ZNF654: variants seen among roughly 807,000 people sequenced by gnomAD.
ZNF654 encodes the protein melanoma-associated antigen.
ZNF654 carries 19 observed loss-of-function variants against 95.3 expected under a neutral mutation model. That is an observed-to-expected ratio of 0.20 (90% CI 0.14 to 0.29). ZNF654 has a LOEUF of 0.29. ZNF654 is among the 10% of genes least tolerant of loss of function. The probability of loss-of-function intolerance (pLI) is 1.00; values close to 1 mark genes in which losing one functional copy is unlikely to be tolerated. For synonymous variants in ZNF654, 413 were observed against 457.9 expected (o/e 0.90, Z 1.25); for missense variants, 1,046 against 1,341.0 (o/e 0.78, Z 3.44).
At chr3:88,081,492 T>C (rs1708074493) in intron 1 of ZNF654, among the ~76,000 whole-genome samples, 2 of 152,208 alleles carry the variant, frequency 1.3e-5, no homozygotes, top group African/African-American at 4.8e-5. Flanking sequence ...TCTCTGTTTG[T>C]CTTTTTCCTT....
chr3:88,081,295 G>A (rs1166775085), intron 1 of ZNF654, among the ~76,000 whole-genome samples: 2 of 152,078 alleles, frequency 1.3e-5, no homozygotes, highest in Non-Finnish European at 2.9e-5. Context: ...AAGTTTATGT[G>A]GGGGTTTTCC....
chr3:88,135,362 A>G, intron 7 of ZNF654, 160 bp downstream of exon 7: 1 of 454,308 alleles, frequency 2.2e-6, no homozygotes, highest in Non-Finnish European at 3.6e-6. Flanking sequence ...CCTAACTCCA[A>G]ACTCTCAACA....
At chr3:88,094,965 G>C (rs1463568435) in intron 2 of ZNF654, among the ~76,000 whole-genome samples, 2 of 152,018 alleles carry the variant, frequency 1.3e-5, no homozygotes, top group Non-Finnish European at 2.9e-5. Flanking sequence ...GAAAACTTAT[G>C]AGAAATTATC....
chr3:88,077,456 C>G lies in ZNF654; in HGVS notation c.187-8801C>G, dbSNP rs574625184. On this transcript the variant is annotated intron_variant, in intron 1 of 8. Transcript: ENST00000636215. ...CACTCCACTCTCCTGCCTCAGCCTC[C>G]CGAGGAGGTGGGACTACAGACGCCT... is the stretch of plus-strand genomic sequence containing the variant. 3.9e-5 allele frequency among the ~76,000 whole-genome samples: 6 copies of G among 152,126 alleles called. No homozygotes were observed. In the East Asian group the frequency reaches 1.2e-3, roughly 29 times the overall value.
chr3:88,105,702 T>C (rs1009448703), intron 2 of ZNF654, among the ~76,000 whole-genome samples: 6 of 152,220 alleles, frequency 3.9e-5, no homozygotes, highest in Non-Finnish European at 8.8e-5. Flanking sequence ...CTGATTTTTT[T>C]TGACTAAACT....
intron 1 of ZNF654, among the ~76,000 whole-genome samples, chr3:88,085,229 T>A (rs1576235459): frequency 6.6e-6 from 1 of 152,316 alleles, no homozygotes; most frequent in African/African-American, 2.4e-5. Context: ...AACTTTTTTC[T>A]GTAAAAGGAC....
At position 88,135,139 on chromosome 3, in the gene ZNF654, G is replaced by A; in HGVS notation, c.972G>A (p.Gln324=). Residue 324 remains glutamine (Q), a synonymous_variant, in exon 7 of 9, where the codon CAG becomes CAA. Coordinates refer to ENST00000636215, the MANE Select transcript of ZNF654 (RefSeq NM_001350134.2). Reference sequence around the variant, plus strand: ...AAGTTTTTGTAGATCAATGCTACCAGCTTTTAAGAACAGCAACTAATGTGA... The same window carrying A: ...AAGTTTTTGTAGATCAATGCTACCAACTTTTAAGAACAGCAACTAATGTGA... The part of the protein sequence containing the change: ...SKQVFVDQCY[Q]LLRTATNVRV... 6.7e-7 allele frequency: 1 copy of A among 1,489,522 alleles called. No homozygotes were observed. The highest frequency in any genetic ancestry group is 8.9e-7 in the Non-Finnish European group (1 of 1,125,444). The allele number at this position is 1,489,522 out of a possible 1,614,324, so 92.3% of individuals were successfully genotyped here.
At chr3:88,059,576 G>T in intron 1 of ZNF654, 71 bp downstream of exon 1, 1 of 1,442,384 alleles carries the variant, frequency 6.9e-7, no homozygotes, top group Non-Finnish European at 9.0e-7. Context: ...TGGTCTTCTC[G>T]TCCATGAATC....
chr3:88,112,539 T>C (rs539073082), intron 2 of ZNF654, among the ~76,000 whole-genome samples: 48 of 152,118 alleles, frequency 3.2e-4, no homozygotes, highest in African/African-American at 1.2e-3. Context: ...ACTACAGAAT[T>C]TGAGCCATCC....
chr3:88,127,413 T>C (rs1706177969), intron 4 of ZNF654, among the ~76,000 whole-genome samples: 1 of 148,452 alleles, frequency 6.7e-6, no homozygotes, highest in East Asian at 2.0e-4. Flanking sequence ...AAAAGGACAC[T>C]GGTGTTTGAT....
intron 2 of ZNF654, among the ~76,000 whole-genome samples, chr3:88,093,951 T>C (rs1407990444): frequency 1.3e-5 from 2 of 152,174 alleles, no homozygotes; most frequent in African/African-American, 4.8e-5. Flanking sequence ...TCCTGACTCT[T>C]TATATTGACG....
chr3:88,113,242 G>T, intron 3 of ZNF654, 46 bp downstream of exon 3: 3 of 1,200,930 alleles, frequency 2.5e-6, no homozygotes, highest in South Asian at 2.7e-5. Flanking sequence ...ACTTAAAATA[G>T]ACCATTATGC....
chr3:88,091,988 A>G (rs969466374), intron 2 of ZNF654, among the ~76,000 whole-genome samples: 1 of 152,250 alleles, frequency 6.6e-6, no homozygotes, highest in Non-Finnish European at 1.5e-5. Context: ...TAATGTGTTA[A>G]GCAGAAGCAA....
At chr3:88,094,249 C>T (rs776212639) in intron 2 of ZNF654, among the ~76,000 whole-genome samples, 1 of 151,996 alleles carries the variant, frequency 6.6e-6, no homozygotes, top group African/African-American at 2.4e-5. Flanking sequence ...ACTCTTAGTG[C>T]ATTTGTTTGT....
At chr3:88,110,472 C>A (rs962625421) in intron 2 of ZNF654, among the ~76,000 whole-genome samples, 3 of 152,058 alleles carry the variant, frequency 2.0e-5, no homozygotes, top group African/African-American at 7.2e-5. Context: ...AATTTTCACC[C>A]ACCATGAAAT....
At chr3:88,086,102 C>T (rs868866461) in intron 1 of ZNF654, among the ~76,000 whole-genome samples, 155 bp from the exon 2 acceptor site, 55 of 152,170 alleles carry the variant, frequency 3.6e-4, no homozygotes, top group African/African-American at 1.2e-3. Context: ...AGATATATAT[C>T]GTCAAAATAA....
chr3:88,072,096 G>A (rs1263055122), intron 1 of ZNF654, among the ~76,000 whole-genome samples: 1 of 152,062 alleles, frequency 6.6e-6, no homozygotes, highest in African/African-American at 2.4e-5. Context: ...AAAATAATAG[G>A]TACTGTGTGA....
intron 1 of ZNF654, among the ~76,000 whole-genome samples, chr3:88,069,612 A>G (rs1481978732): frequency 6.6e-6 from 1 of 152,230 alleles, no homozygotes; most frequent in African/African-American, 2.4e-5. Context: ...ATAATTGGCA[A>G]GCTTCAACAT....
At chr3:88,099,159 G>A (rs1449223958) in intron 2 of ZNF654, among the ~76,000 whole-genome samples, 1 of 152,128 alleles carries the variant, frequency 6.6e-6, no homozygotes, top group Non-Finnish European at 1.5e-5. Context: ...AAATCAATGT[G>A]CAAAAATCAC....
Sources: allele counts gnomAD v4.1 joint callset (sites outside exome capture counted in the v4.1 genomes callset), GRCh38; gene constraint gnomAD v4.1.1; transcripts MANE v1.5; gene names NCBI Gene and HGNC (gene_info 2026-07-23, HGNC 2026-07-21).